The following ZNF410 variants were observed in gnomAD, a reference collection of about 807,000 sequenced individuals.
ZNF410 encodes the protein another partner for ARF 1.
A neutral mutation model predicts 54.8 loss-of-function variants in ZNF410; 18 were observed. The observed-to-expected ratio is 0.33, with a 90% CI of 0.23 to 0.49. The LOEUF (loss-of-function observed/expected upper bound fraction) is 0.49. Ranked by LOEUF, ZNF410 falls within the 20% of genes least tolerant of loss-of-function variation. ZNF410 has a pLI of 0.99. For synonymous variants in ZNF410, 191 were observed against 207.3 expected (o/e 0.92, Z 0.68); for missense variants, 405 against 569.6 (o/e 0.71, Z 2.94).
intron 4 of ZNF410, among the ~76,000 whole-genome samples, chr14:73,896,969 A>T (rs2055327319): frequency 6.6e-6 from 1 of 152,216 alleles, no homozygotes; most frequent in South Asian, 2.1e-4. Flanking sequence ...AAGCATAAAC[A>T]GAAAAGAAGG....
At chr14:73,912,507 A>G (rs1016032237) in intron 8 of ZNF410, among the ~76,000 whole-genome samples, 1 of 152,064 alleles carries the variant, frequency 6.6e-6, no homozygotes, top group Non-Finnish European at 1.5e-5. Context: ...TGATACCTGA[A>G]TCTCTTATTT....
At chr14:73,889,163 G>A (rs1253120000) in intron 1 of ZNF410, among the ~76,000 whole-genome samples, 3 of 152,082 alleles carry the variant, frequency 2.0e-5, no homozygotes, top group African/African-American at 7.2e-5. Context: ...AAGACAAGCT[G>A]GAATTGGGGA....
intron 8 of ZNF410, 179 bp downstream of exon 8, chr14:73,909,609 G>GGGT: frequency 2.1e-6 from 1 of 480,598 alleles, no homozygotes; most frequent in Non-Finnish European, 3.6e-6. Context: ...ATCAAGGTTG[G>GGGT]GGGGGGGACA....
intron 8 of ZNF410, among the ~76,000 whole-genome samples, chr14:73,918,872 G>C (rs1181783600): frequency 7.0e-6 from 1 of 142,480 alleles, no homozygotes; most frequent in Non-Finnish European, 1.5e-5. Context: ...CTACCTTTTT[G>C]TATTTTTAGT....
chr14:73,909,995 C>T (rs895668119), intron 8 of ZNF410, among the ~76,000 whole-genome samples: 1 of 152,162 alleles, frequency 6.6e-6, no homozygotes, highest in African/African-American at 2.4e-5. Context: ...TAATTCCCTG[C>T]AATTCTGTCA....
intron 2 of ZNF410, 130 bp downstream of exon 2, chr14:73,892,338 A>G (rs2055242783): frequency 1.3e-6 from 1 of 787,576 alleles, no homozygotes; most frequent in South Asian, 2.0e-5. Flanking sequence ...TTTAAGCTAT[A>G]TGGTTTTGAT....
chr14:73,904,861 A>C (rs1397470182), intron 6 of ZNF410, 41 bp from the exon 7 acceptor site: 1 of 1,600,282 alleles, frequency 6.2e-7, no homozygotes, highest in African/African-American at 1.3e-5. Flanking sequence ...TCTAGCAAAG[A>C]GTGTTTTCAG....
chr14:73,915,410 T>C (rs1475845238), intron 8 of ZNF410, among the ~76,000 whole-genome samples: 1 of 151,336 alleles, frequency 6.6e-6, no homozygotes, highest in Admixed American at 6.6e-5. Flanking sequence ...TGATCTTGGC[T>C]CACTGCAACC....
Position 73,896,485 on chromosome 14 carries a change from ACAG to A in ZNF410, c.341_343del (p.Gln114del). ...AGTCTTCTAGCTTGTTGCAAGATCT[ACAG>A]CCAAGTGATAGCACTTCTTTTATTC... is the stretch of plus-strand genomic sequence containing the variant. On this transcript the variant is annotated inframe_deletion, in exon 4 of 12. Transcript: ENST00000555044. 10 of 1,614,198 alleles carry A rather than the reference ACAG, an allele frequency of 6.2e-6. No individual in the cohort carries two copies. Among genetic ancestry groups the A allele is most frequent in the Non-Finnish European group, 8.5e-6 (10 of 1,180,026 alleles).
chr14:73,896,588 TG>T, intron 4 of ZNF410, 54 bp downstream of exon 4: 3 of 1,398,680 alleles, frequency 2.1e-6, no homozygotes, highest in South Asian at 2.5e-5. Context: ...AAATTAGGGG[TG>T]GGGCATATTT....
At chr14:73,892,374 A>C (rs900212676) in intron 2 of ZNF410, among the ~76,000 whole-genome samples, 166 bp downstream of exon 2, 4 of 152,028 alleles carry the variant, frequency 2.6e-5, no homozygotes, top group African/African-American at 9.7e-5. Context: ...AAAGATTTAA[A>C]AATTATATTT....
intron 3 of ZNF410, 56 bp from the exon 4 acceptor site, chr14:73,896,260 T>C (rs1306411127): frequency 1.5e-6 from 2 of 1,341,948 alleles, no homozygotes; most frequent in Non-Finnish European, 2.1e-6. Flanking sequence ...TGTATCAAAA[T>C]GGTGGGCTCC....
rs769929274 is a variant in ZNF410 at position 73,931,980 on chromosome 14, C to T, written c.*439C>T. 7.4e-5 allele frequency: 34 copies of T among 456,532 alleles called. No individual in the cohort carries two copies. In the Middle Eastern group the frequency reaches 1.9e-3, roughly 26 times the overall value. 28.3% of individuals were successfully genotyped at this position (456,532 alleles called of 1,614,324 possible). On this transcript the variant is annotated 3_prime_UTR_variant, in exon 12 of 12. Transcript: ENST00000555044. ...CCAGGAAGTTGAGTTTTCAAGATGCCTTGTTGCTTTGAAGAAGGGAGTGAT... is the reference window on the plus strand; with the variant it reads ...CCAGGAAGTTGAGTTTTCAAGATGCTTTGTTGCTTTGAAGAAGGGAGTGAT...
At chr14:73,917,926 A>G (rs1405370826) in intron 8 of ZNF410, among the ~76,000 whole-genome samples, 1 of 152,178 alleles carries the variant, frequency 6.6e-6, no homozygotes, top group East Asian at 1.9e-4. Flanking sequence ...ACAGATACCA[A>G]AATCCACAAA....
chr14:73,931,023 TATC>T (rs2055904244), intron 11 of ZNF410, among the ~76,000 whole-genome samples: 1 of 152,172 alleles, frequency 6.6e-6, no homozygotes, highest in African/African-American at 2.4e-5. Flanking sequence ...CCCTTAGGCT[TATC>T]ATTCTTTTAA....
At chr14:73,900,963 G>T (rs1250767527) in intron 5 of ZNF410, among the ~76,000 whole-genome samples, 1 of 152,160 alleles carries the variant, frequency 6.6e-6, no homozygotes, top group Non-Finnish European at 1.5e-5. Context: ...GCACTAACAT[G>T]TAATGAAGTG....
intron 5 of ZNF410, among the ~76,000 whole-genome samples, chr14:73,900,807 A>C (rs143004972): frequency 1.8e-4 from 27 of 152,300 alleles, no homozygotes; most frequent in African/African-American, 5.8e-4. Context: ...ACAAATTCGT[A>C]AACTTTCTTA....
intron 8 of ZNF410, chr14:73,914,719 C>T (rs2055637562): frequency 6.7e-6 from 1 of 149,204 alleles, no homozygotes; most frequent in South Asian, 2.1e-4. Context: ...GCCTCTGCCT[C>T]CCGGGTTCAA....
intron 10 of ZNF410, 149 bp downstream of exon 10, chr14:73,922,355 AT>A: frequency 1.2e-6 from 1 of 808,842 alleles, no homozygotes; most frequent in Non-Finnish European, 1.7e-6. Context: ...TCTGGGGTGG[AT>A]TAGTCAATCT....
Sources: gnomAD v4.1 joint callset for allele counts (sites outside exome capture counted in the v4.1 genomes callset) on GRCh38, gnomAD v4.1.1 for gene constraint, MANE v1.5 for transcripts, NCBI Gene and HGNC (gene_info 2026-07-23, HGNC 2026-07-21) for gene names.